The following SBF2 variants were observed in gnomAD, a reference collection of about 807,000 sequenced individuals.
SBF2 encodes myotubularin-related protein 13.
SBF2 carries 112 observed loss-of-function variants against 225.2 expected under a neutral mutation model. The observed-to-expected ratio is 0.50, with a 90% CI of 0.43 to 0.58. The LOEUF is 0.58. Ranked by LOEUF, SBF2 falls within the 20% of genes least tolerant of loss-of-function variation. The pLI, the probability that SBF2 is intolerant of heterozygous loss-of-function variation, is 0.00. For missense variants in SBF2, 1,996 were observed against 2,206.2 expected, an observed-to-expected ratio of 0.90 and a Z score of 1.91; for synonymous variants, 763 against 773.3, an observed-to-expected ratio of 0.99 and a Z score of 0.22.
intron 2 of SBF2, among the ~76,000 whole-genome samples, chr11:10,147,943 T>C (rs1954965306): frequency 6.6e-6 from 1 of 152,150 alleles, no homozygotes; most frequent in Admixed American, 6.6e-5. Flanking sequence ...CCTAAATCTC[T>C]AAAACAGGAA....
At chr11:10,124,057 A>C (rs1373387272) in intron 2 of SBF2, among the ~76,000 whole-genome samples, 1 of 152,198 alleles carries the variant, frequency 6.6e-6, no homozygotes, top group Non-Finnish European at 1.5e-5. Context: ...CAAAATCTTC[A>C]TTCACTTTTA....
rs538123322 is a variant in SBF2 at position 10,133,560 on chromosome 11, C to G, written c.141+60342G>C. 3.1e-5 allele frequency among the ~76,000 whole-genome samples: 4 copies of G among 127,424 alleles called. 2 individuals are homozygous for G. In the Admixed American group the frequency reaches 3.3e-4, roughly 10 times the overall value. 83.6% of individuals were successfully genotyped at this position (127,424 alleles called of 152,430 possible). Reference sequence around the variant, plus strand: ...GCCACTGGCCTGGGTGCTAAGTCCCCCATTGCCCAGGGCCAGCAGGGCTGC... The same window carrying G: ...GCCACTGGCCTGGGTGCTAAGTCCCGCATTGCCCAGGGCCAGCAGGGCTGC... On this transcript the variant is annotated intron_variant, in intron 2 of 39. Coordinates refer to ENST00000256190, the MANE Select transcript of SBF2 (RefSeq NM_030962.4).
At chr11:10,158,305 A>T (rs943707498) in intron 2 of SBF2, among the ~76,000 whole-genome samples, 19 of 152,128 alleles carry the variant, frequency 1.2e-4, no homozygotes, top group African/African-American at 4.3e-4. Flanking sequence ...AAACTAAATC[A>T]GCGGAAGAAA....
intron 17 of SBF2, among the ~76,000 whole-genome samples, chr11:9,893,303 G>A (rs777485734): frequency 5.9e-5 from 9 of 152,098 alleles, no homozygotes; most frequent in East Asian, 3.9e-4. Context: ...GAAAATATCC[G>A]AGAATCCGTG....
intron 2 of SBF2, among the ~76,000 whole-genome samples, chr11:10,118,524 C>T (rs1025405130): frequency 6.6e-6 from 1 of 151,996 alleles, no homozygotes; most frequent in African/African-American, 2.4e-5. Flanking sequence ...CAGAGGTATA[C>T]ATTTCAAACA....
At chr11:10,140,427 C>G (rs899811959) in intron 2 of SBF2, among the ~76,000 whole-genome samples, 3 of 152,128 alleles carry the variant, frequency 2.0e-5, no homozygotes, top group Admixed American at 1.3e-4. Context: ...CACAAAACCC[C>G]AAAGGACGAG....
chr11:10,097,267 A>G (rs1249961263), intron 2 of SBF2, among the ~76,000 whole-genome samples: 1 of 152,170 alleles, frequency 6.6e-6, no homozygotes, highest in Admixed American at 6.5e-5. Flanking sequence ...CAGACAACAA[A>G]CTTTCTGCAA....
At chr11:9,882,795 C>CAAAAA (rs56699466) in intron 17 of SBF2, among the ~76,000 whole-genome samples, 104 of 89,994 alleles carry the variant, frequency 1.2e-3, no homozygotes, top group Middle Eastern at 7.6e-3. Context: ...GTGACAGAGT[C>CAAAAA]AAAAAAAAAA....
intron 2 of SBF2, among the ~76,000 whole-genome samples, chr11:10,111,802 G>A (rs1050945752): frequency 5.9e-5 from 9 of 152,186 alleles, no homozygotes; most frequent in Non-Finnish European, 7.3e-5. Context: ...GCTTGAACCC[G>A]GGAGACAGAA....
intron 13 of SBF2, among the ~76,000 whole-genome samples, chr11:9,974,427 A>G (rs920278379): frequency 6.6e-6 from 1 of 152,140 alleles, no homozygotes; most frequent in African/African-American, 2.4e-5. Flanking sequence ...TTCATGAAGT[A>G]GGGTGGGAGG....
chr11:10,196,777 C>T (rs1957368570), intron 1 of SBF2, among the ~76,000 whole-genome samples: 1 of 148,404 alleles, frequency 6.7e-6, no homozygotes, highest in Non-Finnish European at 1.5e-5. Flanking sequence ...TAATCCCACA[C>T]CTGGAGACAA....
At chr11:10,174,798 CT>C (rs1956379421) in intron 2 of SBF2, among the ~76,000 whole-genome samples, 2 of 152,124 alleles carry the variant, frequency 1.3e-5, no homozygotes, top group African/African-American at 4.8e-5. Context: ...GCCCATCAGA[CT>C]AACAGCGGAT....
chr11:9,912,417 T>C (rs1862711245), intron 16 of SBF2, among the ~76,000 whole-genome samples: 2 of 151,570 alleles, frequency 1.3e-5, no homozygotes, highest in Admixed American at 1.3e-4. Flanking sequence ...AAACCCCATC[T>C]CTACTAAAAA....
upstream of SBF2, among the ~76,000 whole-genome samples, chr11:10,296,523 C>T (rs1042928031): frequency 3.3e-5 from 5 of 152,106 alleles, no homozygotes; most frequent in African/African-American, 4.8e-5. Context: ...TCCACCGGAT[C>T]CCTCCCATGA....
chr11:10,183,034 G>C (rs1956798947), intron 2 of SBF2, among the ~76,000 whole-genome samples: 1 of 152,166 alleles, frequency 6.6e-6, no homozygotes, highest in South Asian at 2.1e-4. Flanking sequence ...GCCTCCCAAA[G>C]TGCTGGGATT....
intron 3 of SBF2, among the ~76,000 whole-genome samples, chr11:10,036,834 GT>G (rs1202749379): frequency 6.6e-6 from 1 of 152,120 alleles, no homozygotes; most frequent in Non-Finnish European, 1.5e-5. Flanking sequence ...AGATGTTCAG[GT>G]TTGTTTTCCT....
chr11:9,931,966 G>A (rs528223188), intron 16 of SBF2, among the ~76,000 whole-genome samples: 93 of 152,198 alleles, frequency 6.1e-4, no homozygotes, highest in Middle Eastern at 3.4e-3. Flanking sequence ...ACCATGGCAC[G>A]AGAACTTCGT....
intron 16 of SBF2, among the ~76,000 whole-genome samples, chr11:9,934,900 C>A (rs879082148): frequency 6.6e-6 from 1 of 152,144 alleles, no homozygotes; most frequent in African/African-American, 2.4e-5. Flanking sequence ...TGGCACAAGA[C>A]AAGGATGCCC....
intron 16 of SBF2, among the ~76,000 whole-genome samples, chr11:9,952,286 A>T (rs1315288133): frequency 6.6e-6 from 1 of 151,670 alleles, no homozygotes; most frequent in Non-Finnish European, 1.5e-5. Flanking sequence ...ACAAACATCT[A>T]ATCTTCTGCC....
Sources: allele counts gnomAD v4.1 joint callset (sites outside exome capture counted in the v4.1 genomes callset), GRCh38; gene constraint gnomAD v4.1.1; transcripts MANE v1.5; gene names NCBI Gene and HGNC (gene_info 2026-07-23, HGNC 2026-07-21).